The following TM6SF1 variants were observed in gnomAD, a reference collection of about 807,000 sequenced individuals.
TM6SF1 encodes the protein transmembrane 6 superfamily member 1.
TM6SF1 carries 43 observed loss-of-function variants against 47.1 expected under a neutral mutation model. The observed-to-expected ratio is 0.91, with a 90% CI of 0.72 to 1.18. TM6SF1 has a LOEUF of 1.18. Among genes scored for constraint, TM6SF1 ranks in the 50% most tolerant of loss-of-function variants. TM6SF1 has a pLI of 0.00. For missense variants in TM6SF1, 390 were observed against 449.0 expected (o/e 0.87, Z 1.19); for synonymous variants, 177 against 166.3 (o/e 1.06, Z -0.49).
intron 3 of TM6SF1, among the ~76,000 whole-genome samples, chr15:83,118,268 C>G (rs1355162575): frequency 2.7e-5 from 4 of 150,786 alleles, no homozygotes; most frequent in Admixed American, 6.6e-5. Flanking sequence ...CACACACATA[C>G]AGAGAGAGCA....
intron 1 of TM6SF1, among the ~76,000 whole-genome samples, chr15:83,110,617 G>C (rs1319856352): frequency 1.3e-5 from 2 of 152,230 alleles, no homozygotes; most frequent in Middle Eastern, 3.4e-3. Flanking sequence ...GTTGTCACCT[G>C]ACCACCACCT....
chr15:83,127,239 C>A, intron 8 of TM6SF1, 119 bp from the exon 9 acceptor site: 2 of 1,003,654 alleles, frequency 2.0e-6, no homozygotes, highest in Non-Finnish European at 2.7e-6. Flanking sequence ...AAAAAGAGTC[C>A]CATATAGGAA....
chr15:83,116,270 A>G (rs982829162), intron 3 of TM6SF1, among the ~76,000 whole-genome samples: 1 of 152,204 alleles, frequency 6.6e-6, no homozygotes, highest in Non-Finnish European at 1.5e-5. Flanking sequence ...TTAATACATG[A>G]CTATCTCAGA....
intron 7 of TM6SF1, 58 bp downstream of exon 7, chr15:83,124,834 G>T: frequency 7.3e-7 from 1 of 1,369,236 alleles, no homozygotes; most frequent in South Asian, 1.2e-5. Context: ...TTTCCAAATG[G>T]AAAAAAACTT....
chr15:83,124,311 C>G (rs2035536488), intron 6 of TM6SF1, among the ~76,000 whole-genome samples: 1 of 151,980 alleles, frequency 6.6e-6, no homozygotes, highest in Non-Finnish European at 1.5e-5. Flanking sequence ...GTGTATGTAA[C>G]TATATCTATT....
chr15:83,131,595 T>G (rs921240306), intron 9 of TM6SF1: 2 of 152,448 alleles, frequency 1.3e-5, no homozygotes, highest in Non-Finnish European at 2.9e-5. Flanking sequence ...TCACGCCCAC[T>G]ACACTGCAGC....
chr15:83,123,290 A>C (rs2035436616), intron 6 of TM6SF1, among the ~76,000 whole-genome samples: 1 of 152,146 alleles, frequency 6.6e-6, no homozygotes, highest in Non-Finnish European at 1.5e-5. Context: ...ACTGCTCCTC[A>C]AGGTAGTCTA....
chr15:83,113,089 C>T, intron 2 of TM6SF1, 189 bp downstream of exon 2: 1 of 600,088 alleles, frequency 1.7e-6, no homozygotes, highest in Non-Finnish European at 3.0e-6. Flanking sequence ...GGACTCCACC[C>T]TCTCCCAGGT....
intron 2 of TM6SF1, 68 bp downstream of exon 2, chr15:83,112,968 T>A: frequency 7.7e-7 from 1 of 1,291,958 alleles, no homozygotes; most frequent in Non-Finnish European, 1.1e-6. Flanking sequence ...CTCAGTCACA[T>A]ATTCCTCCTT....
intron 9 of TM6SF1, chr15:83,133,700 T>A (rs900108344): frequency 6.6e-6 from 1 of 152,270 alleles, no homozygotes; most frequent in Admixed American, 6.5e-5. Flanking sequence ...GCTGAGCTCT[T>A]CAGGTCCTGC....
At chr15:83,115,963 T>G (rs1272120289) in intron 3 of TM6SF1, 21 bp downstream of exon 3, 1 of 1,589,786 alleles carries the variant, frequency 6.3e-7, no homozygotes. Flanking sequence ...ACTTAGTGAT[T>G]ATGAGGTTTC....
In TM6SF1 at chr15:83,127,390, C is replaced by A; in HGVS notation, c.834C>A (p.Tyr278Ter). 1 of 1,613,910 alleles carries A rather than the reference C, an allele frequency of 6.2e-7. No homozygotes were observed. The highest frequency in any genetic ancestry group is 8.5e-7 in the Non-Finnish European group (1 of 1,179,910). Residue 278 changes from tyrosine (Y) to a stop codon, truncating the protein, a stop_gained, in exon 9 of 10, where the codon TAC becomes TAA. Coordinates refer to ENST00000322019, the MANE Select transcript of TM6SF1 (RefSeq NM_023003.5). LOFTEE classifies it high-confidence loss of function. ...CATATATGTTCTATTCTGTTCCTTACTTTGTGACTGCACTGTATGGCTTAG... is the reference window on the plus strand; with the variant it reads ...CATATATGTTCTATTCTGTTCCTTAATTTGTGACTGCACTGTATGGCTTAG... ...MLAYMFYSVP[Y>*]FVTALYGLVV...
chr15:83,116,626 GC>G (rs2034682352), intron 3 of TM6SF1, among the ~76,000 whole-genome samples: 1 of 152,346 alleles, frequency 6.6e-6, no homozygotes, highest in African/African-American at 2.4e-5. Flanking sequence ...AATACAGGCA[GC>G]TCTGGGAAGG....
intron 1 of TM6SF1, chr15:83,111,649 T>A (rs1408106658): frequency 2.0e-6 from 2 of 985,264 alleles, no homozygotes; most frequent in Non-Finnish European, 2.4e-6. Context: ...TGAGGAGTGG[T>A]GCTTGTAGCT....
Position 83,107,855 on chromosome 15 carries a change from AG to A in TM6SF1, c.92+88del. 6.7e-7 allele frequency: 1 copy of A among 1,484,770 alleles called. No individual in the cohort carries two copies. Among genetic ancestry groups the A allele is most frequent in the Non-Finnish European group, 9.0e-7 (1 of 1,116,140 alleles). The allele number at this position is 1,484,770 out of a possible 1,614,324, so 92.0% of individuals were successfully genotyped here. A position where few individuals can be genotyped will look rare whatever the true frequency, so the allele number is the denominator to read the frequency against. On this transcript the variant is annotated intron_variant, in intron 1 of 9. Coordinates refer to ENST00000322019, the MANE Select transcript of TM6SF1 (RefSeq NM_023003.5). This position sits in a 1 kb window ranked among gnomAD's most constrained non-coding sequence, Gnocchi z 5.6. ...CGACGGGAGCCTCGCAACTTTTCCG[AG>A]GGGGCTGGGACCGTCCGCCGCGGGA...
chr15:83,116,268 T>C (rs951420007), intron 3 of TM6SF1, among the ~76,000 whole-genome samples: 1 of 152,234 alleles, frequency 6.6e-6, no homozygotes, highest in Non-Finnish European at 1.5e-5. Flanking sequence ...TGTTAATACA[T>C]GACTATCTCA....
chr15:83,122,715 T>C (rs753775187), intron 5 of TM6SF1, 42 bp from the exon 6 acceptor site: 33 of 1,604,492 alleles, frequency 2.1e-5, no homozygotes, highest in East Asian at 1.6e-4. Context: ...TTGTGTTAGA[T>C]ATGCTTTTGG....
chr15:83,124,093 G>T (rs2035511752), intron 6 of TM6SF1, among the ~76,000 whole-genome samples: 1 of 152,118 alleles, frequency 6.6e-6, no homozygotes, highest in Non-Finnish European at 1.5e-5. Flanking sequence ...TCCAACAGTG[G>T]GAGAATGGCT....
In TM6SF1 at chr15:83,108,815, T is replaced by C. The variant is rs372123922; in HGVS notation, c.92+1043T>C. 1.2e-4 allele frequency among the ~76,000 whole-genome samples: 19 copies of C among 152,342 alleles called. 1 individual carries two copies. In the East Asian group the frequency reaches 1.5e-3, roughly 12 times the overall value. ...GGTAACTTCCTCCTCTCCAGCTGCC[T>C]GGCCGCCTGATACAGGCAGCACCCA... On this transcript the variant is annotated intron_variant, in intron 1 of 9. Transcript: ENST00000322019.
Sources: allele counts gnomAD v4.1 joint callset (sites outside exome capture counted in the v4.1 genomes callset), GRCh38; gene constraint gnomAD v4.1.1; non-coding constraint Gnocchi (gnomAD v3.1); transcripts MANE v1.5; gene names NCBI Gene and HGNC (gene_info 2026-07-23, HGNC 2026-07-21).